CARHSP1: variants seen among roughly 807,000 people sequenced by gnomAD.
CARHSP1 encodes the protein calcium-regulated heat-stable protein 1.
Under a neutral mutation model 12.5 loss-of-function variants are expected in CARHSP1, and 14 were observed. The ratio of observed to expected loss-of-function variants is 1.12; its 90% CI spans 0.74 to 1.75. CARHSP1 has a LOEUF of 1.75. CARHSP1 is among the 40% of genes most tolerant of loss of function. CARHSP1 has a pLI of 0.00. For synonymous variants in CARHSP1, 161 were observed against 82.0 expected (o/e 1.96, Z -5.20); for missense variants, 343 against 201.6 (o/e 1.70, Z -4.25).
At position 8,858,464 on chromosome 16, in the gene CARHSP1, C is replaced by A. The variant is rs139906276; in HGVS notation, c.167G>T (p.Arg56Leu). Residue 56 changes from arginine (R) to leucine (L), a missense_variant, in exon 3 of 4, where the codon CGG (arginine) becomes CTG (leucine). Arg to Leu is a moderately radical substitution (Grantham distance 102). Transcript: ENST00000311052. Reference sequence around the variant, plus strand: ...TTTGTAGACGGGGCCCTGTGAAGCCCGCACCGTCCTGACAGAGAGGGGGAA... The same window carrying A: ...TTTGTAGACGGGGCCCTGTGAAGCCAGCACCGTCCTGACAGAGAGGGGGAA... The part of the protein sequence containing the change: ...RRTRTFSATV[R>L]ASQGPVYKGV... The A allele has an allele frequency of 3.1e-6, 5 of 1,613,630 alleles. No individual in the cohort carries two copies. Among genetic ancestry groups the A allele is most frequent in the African/African-American group, 1.3e-5 (1 of 74,866 alleles).
chr16:8,859,386 C>T, intron 1 of CARHSP1, 51 bp from the exon 2 acceptor site: 1 of 1,504,126 alleles, frequency 6.6e-7, no homozygotes, highest in Non-Finnish European at 9.0e-7. Flanking sequence ...GGTAGGGACC[C>T]TGTGCTTACC....
intron 1 of CARHSP1, among the ~76,000 whole-genome samples, chr16:8,864,291 T>C (rs577423711): frequency 6.6e-6 from 1 of 152,076 alleles, no homozygotes; most frequent in East Asian, 1.9e-4. Context: ...CACACGTCCA[T>C]GGAGCGGGGA....
At chr16:8,857,199 G>GCATAGTCGGGCACCCCCAGATCCATTTCC (rs2061145887) in intron 3 of CARHSP1, among the ~76,000 whole-genome samples, 1 of 147,190 alleles carries the variant, frequency 6.8e-6, no homozygotes, top group Non-Finnish European at 1.5e-5. Flanking sequence ...TCTCCCACAA[G>GCATAGTCGGGCACCCCCAGATCCATTTCC]CATAGTCGGG....
At position 8,853,495 on chromosome 16, in the gene CARHSP1, A is replaced by G. The variant is rs181685903; in HGVS notation, c.*1669T>C. 1.3e-5 allele frequency: 2 copies of G among 152,280 alleles called. No homozygotes were observed. The allele number at this position is 152,280 out of a possible 1,614,324, so 9.4% of individuals were successfully genotyped here. ...CTCGCAATCAACATGCGTATTTGCTATTCTCAAACAACTCCCTTCCACCCC... is the reference window on the plus strand; with the variant it reads ...CTCGCAATCAACATGCGTATTTGCTGTTCTCAAACAACTCCCTTCCACCCC... On this transcript the variant is annotated 3_prime_UTR_variant, in exon 4 of 4. Coordinates refer to ENST00000311052, the MANE Select transcript of CARHSP1 (RefSeq NM_014316.4).
At chr16:8,858,744 C>T in intron 2 of CARHSP1, 1 of 483,854 alleles carries the variant, frequency 2.1e-6, no homozygotes, top group Non-Finnish European at 3.7e-6. Flanking sequence ...CTGAACATCC[C>T]TCCAGAAACT....
intron 3 of CARHSP1, among the ~76,000 whole-genome samples, chr16:8,855,613 A>G (rs2061075679): frequency 1.3e-5 from 2 of 152,188 alleles, no homozygotes; most frequent in African/African-American, 2.4e-5. Flanking sequence ...TGGTGACATG[A>G]AATGTGGGAG....
In CARHSP1 at chr16:8,865,234, C is replaced by A. The variant is rs551576409; in HGVS notation, c.-8+3732G>T. On this transcript the variant is annotated intron_variant, in intron 1 of 3. Transcript: ENST00000311052. ...AAGCGATTCTCCTGCCTTAGCCTCC[C>A]GAGTAGCTGGGACTACAGGCATGTA... Among the ~76,000 whole-genome samples, 204 of 152,234 alleles carry A rather than the reference C, an allele frequency of 1.3e-3. 1 individual carries two copies. Among genetic ancestry groups the A allele is most frequent in the African/African-American group, 4.5e-3 (186 of 41,532 alleles).
Position 8,866,408 on chromosome 16 carries a change from A to AGTAGCGAAGTTACCTTAGT in CARHSP1, c.-8+2539_-8+2557dup, listed in dbSNP as rs2061455829. ...AGGGATCGGGGTGAGACTCTAGCAG[A>AGTAGCGAAGTTACCTTAGT]GTAGCGAAGTTACCTTAGTGCACCT... On this transcript the variant is annotated intron_variant, in intron 1 of 3. Transcript: ENST00000311052. 6.1e-6 allele frequency: 6 copies of AGTAGCGAAGTTACCTTAGT among 982,710 alleles called. No individual in the cohort carries two copies. In the Admixed American group the frequency reaches 2.5e-4, roughly 40 times the overall value. 60.9% of individuals were successfully genotyped at this position (982,710 alleles called of 1,614,324 possible).
chr16:8,865,900 T>C (rs935713646), intron 1 of CARHSP1, among the ~76,000 whole-genome samples: 5 of 152,340 alleles, frequency 3.3e-5, no homozygotes, highest in Non-Finnish European at 7.3e-5. Context: ...GGGGATCTTG[T>C]TCAAATGCAG....
At chr16:8,867,921 G>A (rs1295509341) in intron 1 of CARHSP1, 1 of 152,314 alleles carries the variant, frequency 6.6e-6, no homozygotes, top group Non-Finnish European at 1.5e-5. Flanking sequence ...GCGTGGGGTA[G>A]ATCTAAGCGG....
intron 3 of CARHSP1, chr16:8,857,408 A>C (rs1291143470): frequency 7.1e-6 from 1 of 139,944 alleles, no homozygotes; most frequent in Non-Finnish European, 1.5e-5. Context: ...TTAGCCTCCG[A>C]AGTAGCTGGG....
At chr16:8,866,009 G>A (rs1381443954) in intron 1 of CARHSP1, among the ~76,000 whole-genome samples, 1 of 152,002 alleles carries the variant, frequency 6.6e-6, no homozygotes, top group Non-Finnish European at 1.5e-5. Context: ...GCTGGAGTTT[G>A]GTGGCACAAT....
At chr16:8,858,202 C>A in intron 3 of CARHSP1, 148 bp downstream of exon 3, 2 of 939,704 alleles carry the variant, frequency 2.1e-6, no homozygotes, top group South Asian at 3.4e-5. Flanking sequence ...AGGAGCACAG[C>A]TGGAGCACCA....
intron 3 of CARHSP1, 190 bp downstream of exon 3, chr16:8,858,160 A>G (rs2061210125): frequency 3.1e-6 from 2 of 648,574 alleles, no homozygotes; most frequent in Non-Finnish European, 5.2e-6. Context: ...ACAGCTCCGT[A>G]GAGTCTCACA....
intron 2 of CARHSP1, chr16:8,858,902 C>T (rs1486515735): frequency 1.4e-5 from 6 of 439,528 alleles, no homozygotes; most frequent in Non-Finnish European, 2.4e-5. Context: ...ACCAGACTCT[C>T]ATGTGTGGTT....
At position 8,854,179 on chromosome 16, in the gene CARHSP1, T is replaced by G. The variant is rs2061023950; in HGVS notation, c.*985A>C. The G allele has an allele frequency of 6.6e-6, 1 of 150,972 alleles. No individual in the cohort carries two copies. Among genetic ancestry groups the G allele is most frequent in the African/African-American group, 2.4e-5 (1 of 41,116 alleles). 9.4% of individuals were successfully genotyped at this position (150,972 alleles called of 1,614,324 possible). A position where few individuals can be genotyped will look rare whatever the true frequency, so the allele number is the denominator to read the frequency against. Reference sequence around the variant, plus strand: ...GTTATGAAAAATAAGAAAAAAAAAATCCCTAAGCATTTCTTAACACTAGTT... The same window carrying G: ...GTTATGAAAAATAAGAAAAAAAAAAGCCCTAAGCATTTCTTAACACTAGTT... On this transcript the variant is annotated 3_prime_UTR_variant, in exon 4 of 4. Coordinates refer to ENST00000311052, the MANE Select transcript of CARHSP1 (RefSeq NM_014316.4).
At chr16:8,862,747 G>A (rs924919185) in intron 1 of CARHSP1, among the ~76,000 whole-genome samples, 15 of 152,286 alleles carry the variant, frequency 9.8e-5, no homozygotes, top group Admixed American at 9.8e-4. Context: ...ATGGGTGGGG[G>A]ACTAGGAATG....
intron 1 of CARHSP1, among the ~76,000 whole-genome samples, chr16:8,864,607 G>A (rs1596328070): frequency 3.9e-5 from 6 of 152,220 alleles, no homozygotes; most frequent in African/African-American, 7.2e-5. Context: ...AAATGCTACG[G>A]AGAAAAAGCC....
At chr16:8,861,630 T>TG in intron 1 of CARHSP1, 1 of 1,289,130 alleles carries the variant, frequency 7.8e-7, no homozygotes, top group Non-Finnish European at 1.0e-6. Flanking sequence ...GGGAAGCTGG[T>TG]GGCTGGCTTG....
Sources: gnomAD v4.1 joint callset for allele counts (sites outside exome capture counted in the v4.1 genomes callset) on GRCh38, gnomAD v4.1.1 for gene constraint, MANE v1.5 for transcripts, NCBI Gene and HGNC (gene_info 2026-07-23, HGNC 2026-07-21) for gene names.